The following METTL16 variants were observed in gnomAD, a reference collection of about 807,000 sequenced individuals.
METTL16 encodes methyltransferase 16, RNA N6-adenosine, also known as RNA N(6)-adenosine-methyltransferase METTL16.
Under a neutral mutation model 57.9 loss-of-function variants are expected in METTL16, and 19 were observed. The observed-to-expected ratio is 0.33, with a 90% CI of 0.23 to 0.48. The LOEUF is 0.48. Among genes scored for constraint, METTL16 ranks in the 20% least tolerant of loss-of-function variants. The pLI is 0.99. For synonymous variants in METTL16, 246 were observed against 255.6 expected (o/e 0.96, Z 0.36); for missense variants, 434 against 691.5 (o/e 0.63, Z 4.18).
intron 2 of METTL16, among the ~76,000 whole-genome samples, chr17:2,488,765 C>T (rs2067362398): frequency 6.6e-6 from 1 of 152,166 alleles, no homozygotes; most frequent in South Asian, 2.1e-4. Flanking sequence ...ACAACAAGCA[C>T]AGGGTTAACA....
intron 6 of METTL16, among the ~76,000 whole-genome samples, chr17:2,444,613 T>TA (rs958109556): frequency 6.6e-6 from 1 of 152,176 alleles, no homozygotes; most frequent in African/African-American, 2.4e-5. Context: ...AGTGATGTTC[T>TA]AGGCCTTCAT....
chr17:2,458,719 CAT>C (rs2067128327), intron 6 of METTL16, among the ~76,000 whole-genome samples: 1 of 151,966 alleles, frequency 6.6e-6, no homozygotes, highest in Non-Finnish European at 1.5e-5. Context: ...CACACACACA[CAT>C]ACACACACAC....
Position 2,477,407 on chromosome 17 carries a change from T to G in METTL16, c.328+279A>C, listed in dbSNP as rs2067276148. On this transcript the variant is annotated intron_variant, in intron 3 of 9. Transcript: ENST00000263092. Reference sequence around the variant, plus strand: ...AAGTGTTTTGGATTTCAATTTTTTTTTCAGATTTTGAAATATGTGCACTAT... The same window carrying G: ...AAGTGTTTTGGATTTCAATTTTTTTGTCAGATTTTGAAATATGTGCACTAT... 4 of 306,058 alleles carry G rather than the reference T, an allele frequency of 1.3e-5. No homozygotes were observed. In the South Asian group the frequency reaches 2.1e-4, roughly 16 times the overall value. 19.0% of individuals were successfully genotyped at this position (306,058 alleles called of 1,614,324 possible). A position where few individuals can be genotyped will look rare whatever the true frequency, so the allele number is the denominator to read the frequency against.
At chr17:2,446,911 G>A (rs1222603884) in intron 6 of METTL16, among the ~76,000 whole-genome samples, 1 of 151,482 alleles carries the variant, frequency 6.6e-6, no homozygotes, top group African/African-American at 2.4e-5. Flanking sequence ...GGAGTGCAGT[G>A]GCGTGATCTC....
intron 2 of METTL16, among the ~76,000 whole-genome samples, chr17:2,489,564 C>T (rs772679346): frequency 1.3e-5 from 2 of 151,190 alleles, no homozygotes; most frequent in African/African-American, 2.4e-5. Flanking sequence ...GGTGAAATCC[C>T]GTCTCTACTA....
chr17:2,421,833 G>C (rs1389956945), intron 8 of METTL16, among the ~76,000 whole-genome samples: 1 of 152,132 alleles, frequency 6.6e-6, no homozygotes, highest in Non-Finnish European at 1.5e-5. Context: ...GGCTGATGTC[G>C]GGACCAAGCC....
At chr17:2,470,089 G>C (rs563552745) in intron 4 of METTL16, among the ~76,000 whole-genome samples, 1 of 152,236 alleles carries the variant, frequency 6.6e-6, no homozygotes, top group East Asian at 1.9e-4. Flanking sequence ...CCTGTTCAAA[G>C]ACACTTTATC....
chr17:2,449,992 C>T (rs780289465), intron 6 of METTL16, among the ~76,000 whole-genome samples: 4 of 152,082 alleles, frequency 2.6e-5, no homozygotes, highest in African/African-American at 4.8e-5. Context: ...GACAACAGTA[C>T]CAAATGGTGT....
At chr17:2,491,683 G>A (rs1328219948) in intron 2 of METTL16, among the ~76,000 whole-genome samples, 3 of 151,528 alleles carry the variant, frequency 2.0e-5, no homozygotes, top group African/African-American at 7.3e-5. Flanking sequence ...AGACCATCCT[G>A]GCTAACACGG....
chr17:2,425,748 G>A (rs2066813267), intron 8 of METTL16, among the ~76,000 whole-genome samples: 1 of 151,644 alleles, frequency 6.6e-6, no homozygotes, highest in South Asian at 2.1e-4. Context: ...GTGCAGTGGC[G>A]CAATTACGGC....
chr17:2,477,462 A>C, intron 3 of METTL16: 1 of 524,284 alleles, frequency 1.9e-6, no homozygotes, highest in Non-Finnish European at 3.4e-6. Context: ...CTAACCCCCA[A>C]ATCTGGAACG....
At chr17:2,503,589 C>G (rs1174955348) in intron 1 of METTL16, among the ~76,000 whole-genome samples, 1 of 151,072 alleles carries the variant, frequency 6.6e-6, no homozygotes, top group Non-Finnish European at 1.5e-5. Context: ...AAATATGGAT[C>G]AACAAAATAC....
At chr17:2,495,651 G>A (rs375669881) in intron 2 of METTL16, among the ~76,000 whole-genome samples, 17 of 146,326 alleles carry the variant, frequency 1.2e-4, no homozygotes, top group Non-Finnish European at 1.6e-4. Context: ...GCTGAGATCC[G>A]GCCACTGCAC....
At chr17:2,490,679 C>T (rs2067381238) in intron 2 of METTL16, among the ~76,000 whole-genome samples, 1 of 152,078 alleles carries the variant, frequency 6.6e-6, no homozygotes, top group Admixed American at 6.6e-5. Context: ...AATATCTGCT[C>T]TCTGTAACAC....
chr17:2,440,726 T>C (rs1314947888), intron 7 of METTL16, among the ~76,000 whole-genome samples: 1 of 151,456 alleles, frequency 6.6e-6, no homozygotes, highest in Non-Finnish European at 1.5e-5. Flanking sequence ...ATCCCAGCAC[T>C]TTGGGAGGCT....
At chr17:2,471,217 G>C (rs140641555) in intron 4 of METTL16, among the ~76,000 whole-genome samples, 69 of 152,294 alleles carry the variant, frequency 4.5e-4, no homozygotes, top group African/African-American at 1.6e-3. Flanking sequence ...TGTTTCCCAG[G>C]CTGGGGTGCA....
At chr17:2,447,934 C>A (rs1345065493) in intron 6 of METTL16, among the ~76,000 whole-genome samples, 4 of 100,628 alleles carry the variant, frequency 4.0e-5, no homozygotes, top group African/African-American at 4.7e-5. Flanking sequence ...CCAGCCGCCC[C>A]GTCCGGGAGG....
At chr17:2,456,805 T>A (rs1489480401) in intron 6 of METTL16, among the ~76,000 whole-genome samples, 1 of 152,096 alleles carries the variant, frequency 6.6e-6, no homozygotes, top group Non-Finnish European at 1.5e-5. Context: ...TTATTTATTT[T>A]TAAGACATAG....
chr17:2,455,175 G>A (rs906652366), intron 6 of METTL16: 1 of 164,444 alleles, frequency 6.1e-6, no homozygotes, highest in South Asian at 1.3e-4. Context: ...TGCAACCTCC[G>A]CCTCCCAGGT....
Sources: allele counts gnomAD v4.1 joint callset (sites outside exome capture counted in the v4.1 genomes callset), GRCh38; gene constraint gnomAD v4.1.1; transcripts MANE v1.5; gene names NCBI Gene and HGNC (gene_info 2026-07-23, HGNC 2026-07-21).